The following ADGRL3 variants were observed in gnomAD, a reference collection of about 807,000 sequenced individuals.
ADGRL3 encodes the protein adhesion G protein-coupled receptor L3.
A neutral mutation model predicts 153.5 loss-of-function variants in ADGRL3; 62 were observed. That is an observed-to-expected ratio of 0.40 (90% CI 0.33 to 0.50). The LOEUF (loss-of-function observed/expected upper bound fraction) is 0.50, where lower values mean the gene tolerates loss of function less well. Among genes scored for constraint, ADGRL3 ranks in the 20% least tolerant of loss-of-function variants. The pLI, the probability that ADGRL3 is intolerant of heterozygous loss-of-function variation, is 0.47. For synonymous variants in ADGRL3, 710 were observed against 672.5 expected (o/e 1.06, Z -0.86); for missense variants, 1,641 against 1,859.4 (o/e 0.88, Z 2.16).
chr4:61,704,131 G>A (rs1341952420), intron 6 of ADGRL3, among the ~76,000 whole-genome samples: 2 of 152,128 alleles, frequency 1.3e-5, no homozygotes, highest in Non-Finnish European at 2.9e-5. Context: ...AATTGCTAAT[G>A]AAGTTCATGT....
intron 6 of ADGRL3, among the ~76,000 whole-genome samples, chr4:61,700,873 C>G (rs1185599916): frequency 6.6e-6 from 1 of 152,154 alleles, no homozygotes; most frequent in Non-Finnish European, 1.5e-5. Context: ...ATAACAATAG[C>G]TAAGAGTAAA....
intron 4 of ADGRL3, among the ~76,000 whole-genome samples, chr4:61,555,017 G>A (rs2098758799): frequency 6.6e-6 from 1 of 152,152 alleles, no homozygotes; most frequent in African/African-American, 2.4e-5. Context: ...TTGTCCCTCT[G>A]GTAGTAAGAG....
chr4:61,517,383 G>A lies in ADGRL3; in HGVS notation c.124G>A (p.Gly42Ser). 2 of 711,484 alleles carry A rather than the reference G, an allele frequency of 2.8e-6. No homozygotes were observed. The highest frequency in any genetic ancestry group is 5.1e-6 in the Non-Finnish European group (2 of 392,786). 44.1% of individuals were successfully genotyped at this position (711,484 alleles called of 1,614,324 possible). Residue 42 changes from glycine (G) to serine (S), a missense_variant, in exon 4 of 27, where the codon GGC (glycine) becomes AGC (serine). Gly to Ser is a moderately conservative substitution (Grantham distance 56). Transcript: ENST00000683033. ...GCGACACGCTGAGCGCAGCCCAGGAGGCGCTCTTCCACCCAGACATCTGCT... is the reference window on the plus strand; with the variant it reads ...GCGACACGCTGAGCGCAGCCCAGGAAGCGCTCTTCCACCCAGACATCTGCT... ...PLRHAERSPG[G>S]ALPPRHLLQQ...
At position 61,643,596 on chromosome 4, in the gene ADGRL3, G is replaced by A. The variant is rs1399490195; in HGVS notation, c.474-33230G>A. On this transcript the variant is annotated intron_variant, in intron 5 of 26. Transcript: ENST00000683033. Reference sequence around the variant, plus strand: ...GTTTATATGCTGGATTACATTTATTGATTTGCGTATATTGAACCAGCCTTG... The same window carrying A: ...GTTTATATGCTGGATTACATTTATTAATTTGCGTATATTGAACCAGCCTTG... 6.0e-5 allele frequency among the ~76,000 whole-genome samples: 9 copies of A among 149,810 alleles called. No homozygotes were observed. The South Asian group carries it at 1.9e-3, about 32-fold the overall frequency.
At chr4:61,607,417 T>TTAAGTA (rs2099036637) in intron 5 of ADGRL3, among the ~76,000 whole-genome samples, 2 of 152,108 alleles carry the variant, frequency 1.3e-5, no homozygotes, top group Admixed American at 1.3e-4. Context: ...ACCAATATGG[T>TTAAGTA]GAAACCCCAT....
intron 1 of ADGRL3, among the ~76,000 whole-genome samples, chr4:61,373,439 T>G (rs1176418793): frequency 6.6e-6 from 1 of 152,210 alleles, no homozygotes; most frequent in African/African-American, 2.4e-5. Flanking sequence ...TTATCCCATA[T>G]GAATTTGAGA....
chr4:61,375,472 A>C (rs2096592430), intron 1 of ADGRL3, among the ~76,000 whole-genome samples: 1 of 152,186 alleles, frequency 6.6e-6, no homozygotes, highest in African/African-American at 2.4e-5. Context: ...GATAAGTATC[A>C]TATGAATCAT....
chr4:61,849,323 G>A (rs1561355480), intron 9 of ADGRL3, among the ~76,000 whole-genome samples: 2 of 152,062 alleles, frequency 1.3e-5, no homozygotes, highest in South Asian at 2.1e-4. Flanking sequence ...ATGATTTTTA[G>A]CAGTGCATTA....
At chr4:61,566,804 T>C (rs903355681) in intron 4 of ADGRL3, among the ~76,000 whole-genome samples, 2 of 152,178 alleles carry the variant, frequency 1.3e-5, no homozygotes, top group Admixed American at 6.5e-5. Context: ...TATGTAGTTT[T>C]ATTGCTCCTT....
intron 3 of ADGRL3, among the ~76,000 whole-genome samples, chr4:61,511,305 G>T (rs1009917702): frequency 6.6e-6 from 1 of 152,126 alleles, no homozygotes; most frequent in African/African-American, 2.4e-5. Context: ...GGAAGCGGAG[G>T]TTACAGTGAG....
At chr4:61,651,960 A>C (rs1043338770) in intron 5 of ADGRL3, among the ~76,000 whole-genome samples, 1 of 152,102 alleles carries the variant, frequency 6.6e-6, no homozygotes. Context: ...GTTTAAAAAC[A>C]AAATTTGTAT....
intron 3 of ADGRL3, among the ~76,000 whole-genome samples, chr4:61,508,009 T>A (rs978487833): frequency 6.6e-6 from 1 of 152,190 alleles, no homozygotes; most frequent in Admixed American, 6.5e-5. Flanking sequence ...AACTTAAATT[T>A]TTTTGCATTA....
At chr4:62,016,507 C>T (rs963502005) in intron 21 of ADGRL3, among the ~76,000 whole-genome samples, 1 of 152,164 alleles carries the variant, frequency 6.6e-6, no homozygotes, top group African/African-American at 2.4e-5. Flanking sequence ...GATGCTACCA[C>T]AGTATCCTAC....
At chr4:61,880,452 A>T (rs2098502373) in intron 9 of ADGRL3, among the ~76,000 whole-genome samples, 1 of 152,320 alleles carries the variant, frequency 6.6e-6, no homozygotes, top group African/African-American at 2.4e-5. Context: ...TCAAATTTTT[A>T]ATTCAAATTT....
chr4:61,870,300 C>A (rs2098436344), intron 9 of ADGRL3, among the ~76,000 whole-genome samples: 1 of 152,066 alleles, frequency 6.6e-6, no homozygotes, highest in Admixed American at 6.5e-5. Context: ...ATACTATACA[C>A]AAAAATTAAC....
chr4:61,699,856 A>G (rs1302803515), intron 6 of ADGRL3, among the ~76,000 whole-genome samples: 1 of 152,094 alleles, frequency 6.6e-6, no homozygotes, highest in Non-Finnish European at 1.5e-5. Flanking sequence ...AAGTTGCTTA[A>G]CTTGGAAAAA....
intron 3 of ADGRL3, among the ~76,000 whole-genome samples, chr4:61,507,348 A>G (rs985739854): frequency 8.5e-5 from 13 of 152,152 alleles, no homozygotes; most frequent in Non-Finnish European, 1.9e-4. Context: ...GCACAGATGT[A>G]TTAGAGGTTA....
intron 2 of ADGRL3, among the ~76,000 whole-genome samples, chr4:61,487,472 A>G (rs549776873): frequency 4.6e-5 from 7 of 152,226 alleles, no homozygotes; most frequent in Admixed American, 1.3e-4. Context: ...TATTAGGAAG[A>G]TGATTATTTT....
chr4:61,861,172 G>A (rs1268490491), intron 9 of ADGRL3, among the ~76,000 whole-genome samples: 1 of 152,052 alleles, frequency 6.6e-6, no homozygotes, highest in Non-Finnish European at 1.5e-5. Context: ...TGAGAGTAGG[G>A]GTGTATATCA....
Sources: gnomAD v4.1 joint callset for allele counts (sites outside exome capture counted in the v4.1 genomes callset) on GRCh38, gnomAD v4.1.1 for gene constraint, MANE v1.5 for transcripts, NCBI Gene and HGNC (gene_info 2026-07-23, HGNC 2026-07-21) for gene names.